Variants in ROBO2 observed in about 807,000 individuals in gnomAD.
The protein encoded by ROBO2 is roundabout homolog 2.
ROBO2 carries 53 observed loss-of-function variants against 160.8 expected under a neutral mutation model. The ratio of observed to expected loss-of-function variants is 0.33; its 90% CI spans 0.26 to 0.41. The LOEUF is 0.41. ROBO2 is among the 10% of genes least tolerant of loss of function. The pLI is 1.00. For synonymous variants in ROBO2, 664 were observed against 611.7 expected (o/e 1.09, Z -1.26); for missense variants, 1,577 against 1,722.4 (o/e 0.92, Z 1.49).
intron 2 of ROBO2, among the ~76,000 whole-genome samples, chr3:77,216,221 C>T (rs2084922990): frequency 6.6e-6 from 1 of 152,126 alleles, no homozygotes; most frequent in South Asian, 2.1e-4. Flanking sequence ...CAGTGGGCTC[C>T]ACGCAGTTCG....
intron 2 of ROBO2, among the ~76,000 whole-genome samples, chr3:76,673,831 G>T (rs930103244): frequency 2.0e-5 from 3 of 151,938 alleles, no homozygotes; most frequent in African/African-American, 7.3e-5. Flanking sequence ...AATTCCTTTG[G>T]TTTAACTTAA....
At chr3:75,979,207 A>T (rs2065212449) in intron 2 of ROBO2, among the ~76,000 whole-genome samples, 1 of 151,654 alleles carries the variant, frequency 6.6e-6, no homozygotes, top group African/African-American at 2.4e-5. Context: ...GATAACTAAC[A>T]GATACTCTAT....
intron 2 of ROBO2, among the ~76,000 whole-genome samples, chr3:77,290,116 C>G (rs1472096291): frequency 6.6e-6 from 1 of 151,654 alleles, no homozygotes; most frequent in East Asian, 1.9e-4. Context: ...GGCTAGATCA[C>G]CAAAGACATA....
intron 6 of ROBO2, 121 bp downstream of exon 6, chr3:77,523,023 T>C: frequency 9.0e-7 from 1 of 1,116,392 alleles, no homozygotes; most frequent in South Asian, 1.3e-5. Flanking sequence ...AATGCCTAGA[T>C]TTTGTGTCCT....
intron 2 of ROBO2, among the ~76,000 whole-genome samples, chr3:77,265,203 T>C (rs895678787): frequency 1.3e-5 from 2 of 152,148 alleles, no homozygotes; most frequent in Admixed American, 1.3e-4. Flanking sequence ...CATTTTCCAA[T>C]TGAGGCATCT....
intron 5 of ROBO2, among the ~76,000 whole-genome samples, chr3:77,505,863 C>T (rs2088437786): frequency 6.6e-6 from 1 of 152,114 alleles, no homozygotes; most frequent in Non-Finnish European, 1.5e-5. Context: ...TTCTTGACTA[C>T]TATATACAGT....
chr3:76,535,978 C>T (rs1378493075), intron 2 of ROBO2, among the ~76,000 whole-genome samples: 1 of 152,086 alleles, frequency 6.6e-6, no homozygotes, highest in Non-Finnish European at 1.5e-5. Flanking sequence ...GCTCCAGGGG[C>T]CCTAGAAGTG....
At chr3:75,986,904 A>T (rs2065430569) in intron 2 of ROBO2, among the ~76,000 whole-genome samples, 1 of 151,066 alleles carries the variant, frequency 6.6e-6, no homozygotes, top group African/African-American at 2.4e-5. Flanking sequence ...CATTTCTGGG[A>T]TCTCAATTTT....
intron 23 of ROBO2, among the ~76,000 whole-genome samples, chr3:77,627,566 A>T (rs1353356593): frequency 6.6e-6 from 1 of 151,966 alleles, no homozygotes; most frequent in African/African-American, 2.4e-5. Flanking sequence ...ATTACAGATG[A>T]TTACACATCC....
intron 2 of ROBO2, among the ~76,000 whole-genome samples, chr3:77,138,211 A>G (rs1026430002): frequency 2.0e-5 from 3 of 152,168 alleles, no homozygotes; most frequent in African/African-American, 7.2e-5. Flanking sequence ...ATTTTTTGCA[A>G]TGAAACCCAT....
chr3:77,562,301 A>G (rs2093347074), intron 9 of ROBO2, among the ~76,000 whole-genome samples: 1 of 152,020 alleles, frequency 6.6e-6, no homozygotes, highest in South Asian at 2.1e-4. Context: ...TTCTGTTCTG[A>G]GTCATTCATA....
chr3:76,412,314 C>G (rs987344455), intron 2 of ROBO2, among the ~76,000 whole-genome samples: 4 of 152,184 alleles, frequency 2.6e-5, no homozygotes, highest in Admixed American at 2.6e-4. Context: ...GGAAACACAG[C>G]CAAACCATAT....
At chr3:76,405,621 C>G (rs2078082495) in intron 2 of ROBO2, among the ~76,000 whole-genome samples, 1 of 151,586 alleles carries the variant, frequency 6.6e-6, no homozygotes, top group Non-Finnish European at 1.5e-5. Context: ...TATAGGTATC[C>G]AAAATTATCA....
chr3:76,498,576 T>A (rs981540439), intron 2 of ROBO2, among the ~76,000 whole-genome samples: 1 of 151,914 alleles, frequency 6.6e-6, no homozygotes, highest in African/African-American at 2.4e-5. Flanking sequence ...TACATAATTT[T>A]TGTCAATTTA....
Position 77,434,532 on chromosome 3 carries a change from G to T in ROBO2, c.389-42882G>T, listed in dbSNP as rs564490148. ...GAATGAATGAGCTCATTTAACACTT[G>T]CATACTTGTTAGATATTTATTGTTG... On this transcript the variant is annotated intron_variant, in intron 2 of 25. Coordinates refer to ENST00000461745, the Ensembl canonical transcript of ROBO2. 2.1e-3 allele frequency among the ~76,000 whole-genome samples: 320 copies of T among 152,164 alleles called. 2 individuals are homozygous for T. Among genetic ancestry groups the T allele is most frequent in the Middle Eastern group, 6.8e-3 (2 of 294 alleles).
At chr3:77,121,964 T>TA (rs1298061262) in intron 2 of ROBO2, among the ~76,000 whole-genome samples, 2 of 152,246 alleles carry the variant, frequency 1.3e-5, no homozygotes, top group Admixed American at 6.5e-5. Context: ...TAGATTTTTT[T>TA]AAAAAAATTG....
At chr3:76,163,615 AAT>A (rs1473349777) in intron 2 of ROBO2, among the ~76,000 whole-genome samples, 21 of 151,566 alleles carry the variant, frequency 1.4e-4, no homozygotes, top group African/African-American at 5.1e-4. Flanking sequence ...AGACGACTAT[AAT>A]AAAGTGAATA....
intron 13 of ROBO2, among the ~76,000 whole-genome samples, chr3:77,571,126 C>A (rs942353588): frequency 1.3e-5 from 2 of 151,850 alleles, no homozygotes; most frequent in Non-Finnish European, 2.9e-5. Context: ...TACTCTTTGC[C>A]CATTAAGCAT....
intron 2 of ROBO2, among the ~76,000 whole-genome samples, chr3:76,940,750 T>C (rs1408890090): frequency 1.3e-5 from 2 of 152,226 alleles, no homozygotes; most frequent in African/African-American, 4.8e-5. Context: ...ACGGCTTTAT[T>C]GCACAATGTA....
Sources: gnomAD v4.1 joint callset for allele counts (sites outside exome capture counted in the v4.1 genomes callset) on GRCh38, gnomAD v4.1.1 for gene constraint, MANE v1.5 for transcripts, NCBI Gene and HGNC (gene_info 2026-07-23, HGNC 2026-07-21) for gene names.